Variants in GALNT14 observed in about 807,000 individuals in gnomAD.
The protein encoded by GALNT14 is polypeptide N-acetylgalactosaminyltransferase 14.
In GALNT14, 60 loss-of-function variants were observed where a neutral mutation model predicts 77.5. That is an observed-to-expected ratio of 0.77 (90% CI 0.63 to 0.96). GALNT14 has a LOEUF of 0.96. GALNT14 is among the 40% of genes least tolerant of loss of function. The pLI, the probability that GALNT14 is intolerant of heterozygous loss-of-function variation, is 0.00. For synonymous variants in GALNT14, 280 were observed against 281.7 expected (o/e 0.99, Z 0.06); for missense variants, 710 against 731.0 (o/e 0.97, Z 0.33).
At chr2:30,967,040 T>C (rs1487397145) in intron 2 of GALNT14, among the ~76,000 whole-genome samples, 1 of 152,212 alleles carries the variant, frequency 6.6e-6, no homozygotes, top group African/African-American at 2.4e-5. Flanking sequence ...ACTGGGTAAA[T>C]GCTTCCTCCT....
At chr2:31,012,730 C>G (rs558924716) in intron 1 of GALNT14, among the ~76,000 whole-genome samples, 1 of 152,012 alleles carries the variant, frequency 6.6e-6, no homozygotes, top group East Asian at 1.9e-4. Context: ...GGGGCCAAAA[C>G]CAAAACCAAA....
At chr2:31,046,474 C>T (rs972114867) in intron 1 of GALNT14, among the ~76,000 whole-genome samples, 1 of 152,132 alleles carries the variant, frequency 6.6e-6, no homozygotes, top group African/African-American at 2.4e-5. Flanking sequence ...ATGATCCACC[C>T]GCCTCGGCAT....
downstream of GALNT14, among the ~76,000 whole-genome samples, chr2:30,909,808 C>G (rs1664255444): frequency 6.6e-6 from 1 of 151,750 alleles, no homozygotes; most frequent in African/African-American, 2.4e-5. Context: ...TTGCAACCAA[C>G]CCAAATGTCC....
intron 13 of GALNT14, among the ~76,000 whole-genome samples, chr2:30,913,030 G>A (rs987345922): frequency 1.3e-5 from 2 of 152,128 alleles, no homozygotes; most frequent in African/African-American, 4.8e-5. Flanking sequence ...TTGACAAGCA[G>A]AGTTCTGTTG....
intron 1 of GALNT14, among the ~76,000 whole-genome samples, chr2:31,011,859 G>A (rs1248637297): frequency 6.6e-6 from 1 of 152,130 alleles, no homozygotes; most frequent in East Asian, 1.9e-4. Flanking sequence ...ACCTTGAGAT[G>A]TGTTCTCTGG....
chr2:30,943,559 A>G (rs1666507905), intron 8 of GALNT14, among the ~76,000 whole-genome samples: 1 of 152,160 alleles, frequency 6.6e-6, no homozygotes, highest in Non-Finnish European at 1.5e-5. Flanking sequence ...CTGTCCTGAG[A>G]ATGCCACCCC....
At chr2:30,888,907 C>T in the GALNT14 span, among the ~76,000 whole-genome samples, 194 of 150,330 alleles carry the variant, frequency 1.3e-3, 2 homozygotes, top group Non-Finnish European at 2.7e-4. Context: ...GTTGTATTGT[C>T]CCCCCCTCCA....
intron 13 of GALNT14, among the ~76,000 whole-genome samples, chr2:30,916,783 G>C (rs549216414): frequency 5.5e-4 from 83 of 151,126 alleles, no homozygotes; most frequent in African/African-American, 2.0e-3. Flanking sequence ...TGTCTTAAGA[G>C]GTAACTAAAA....
intron 1 of GALNT14, among the ~76,000 whole-genome samples, chr2:31,101,515 T>C (rs1052684952): frequency 2.0e-5 from 3 of 152,070 alleles, no homozygotes; most frequent in African/African-American, 7.2e-5. Context: ...TTAGAAATTT[T>C]GGATTCCTTT....
chr2:30,989,332 C>T (rs946980442), intron 2 of GALNT14, among the ~76,000 whole-genome samples: 1 of 151,876 alleles, frequency 6.6e-6, no homozygotes. Flanking sequence ...CTGCCCCCCT[C>T]ACCATCCCTG....
intron 1 of GALNT14, among the ~76,000 whole-genome samples, chr2:31,017,276 G>A (rs1246262130): frequency 6.6e-6 from 1 of 152,198 alleles, no homozygotes; most frequent in Non-Finnish European, 1.5e-5. Flanking sequence ...AGGCCTGCTA[G>A]CAGTGACTGT....
At chr2:31,023,116 C>G (rs1671824080) in intron 1 of GALNT14, among the ~76,000 whole-genome samples, 2 of 151,714 alleles carry the variant, frequency 1.3e-5, no homozygotes, top group South Asian at 4.2e-4. Context: ...TCTAAGATAG[C>G]TAATGGACTG....
At chr2:30,904,453 G>A in the GALNT14 span, among the ~76,000 whole-genome samples, 15 of 152,270 alleles carry the variant, frequency 9.9e-5, no homozygotes, top group Admixed American at 2.6e-4. Context: ...GGTGACGGAC[G>A]GCACCTGGAA....
chr2:31,010,861 T>A (rs1367736805), intron 1 of GALNT14, among the ~76,000 whole-genome samples: 1 of 152,220 alleles, frequency 6.6e-6, no homozygotes, highest in African/African-American at 2.4e-5. Context: ...TGGAATACTC[T>A]CAATCTGATC....
intron 1 of GALNT14, among the ~76,000 whole-genome samples, chr2:31,011,876 C>T (rs993363996): frequency 1.3e-5 from 2 of 152,146 alleles, no homozygotes; most frequent in African/African-American, 2.4e-5. Flanking sequence ...CTGGACGTGC[C>T]GCCTGGCTCT....
the GALNT14 span, among the ~76,000 whole-genome samples, chr2:30,894,851 G>C: frequency 0.011 from 1,651 of 152,294 alleles, 38 homozygotes; most frequent in African/African-American, 0.038. Context: ...GGAACACTGA[G>C]GACAGTGGGA....
rs1367282513 is a variant in GALNT14 at position 31,057,370 on chromosome 2, GTGTGTATATA to G, written c.130-64373_130-64364del. The stretch of plus-strand genomic sequence containing the variant: ...TATATGTGTGTGTGTGTGTGTGTGT[GTGTGTATATA>G]TATATATATATATACACAGCTGTTG... On this transcript the variant is annotated intron_variant, in intron 1 of 14. Transcript: ENST00000349752. 8.7e-3 allele frequency among the ~76,000 whole-genome samples: 1,041 copies of G among 120,186 alleles called. 18 individuals carry two copies. The highest frequency in any genetic ancestry group is 0.033 in the African/African-American group (952 of 29,202). The allele number at this position is 120,186 out of a possible 152,430, so 78.8% of individuals were successfully genotyped here. A position where few individuals can be genotyped will look rare whatever the true frequency, so the allele number is the denominator to read the frequency against.
chr2:31,056,691 A>G (rs527598501), intron 1 of GALNT14, among the ~76,000 whole-genome samples: 4 of 152,330 alleles, frequency 2.6e-5, no homozygotes, highest in African/African-American at 9.6e-5. Context: ...CACAAATTAT[A>G]TTGAAATCGG....
chr2:31,004,099 G>A (rs1161121345), intron 1 of GALNT14, among the ~76,000 whole-genome samples: 2 of 152,248 alleles, frequency 1.3e-5, no homozygotes, highest in Admixed American at 6.5e-5. Flanking sequence ...TGAGGACTGA[G>A]AGAGCTGGTC....
Sources: gnomAD v4.1 joint callset for allele counts (sites outside exome capture counted in the v4.1 genomes callset) on GRCh38, gnomAD v4.1.1 for gene constraint, MANE v1.5 for transcripts, NCBI Gene and HGNC (gene_info 2026-07-23, HGNC 2026-07-21) for gene names.